The following CFH variants were observed in gnomAD, a reference collection of about 807,000 sequenced individuals.
CFH encodes complement factor H.
CFH carries 53 observed loss-of-function variants against 147.3 expected under a neutral mutation model. That is an observed-to-expected ratio of 0.36 (90% confidence interval 0.29 to 0.45). The LOEUF (loss-of-function observed/expected upper bound fraction) is 0.45. CFH is among the 20% of genes least tolerant of loss of function. CFH has a pLI of 1.00. For synonymous variants in CFH, 536 were observed against 489.4 expected (o/e 1.10, Z -1.26); for missense variants, 1,380 against 1,498.0 (o/e 0.92, Z 1.30).
chr1:196,671,585 A>AACACACAC (rs1364352039), intron 1 of CFH, among the ~76,000 whole-genome samples: 2 of 95,824 alleles, frequency 2.1e-5, no homozygotes, highest in East Asian at 6.9e-4. Context: ...TCAAAAGACT[A>AACACACAC]ATACACACAC....
intron 17 of CFH, among the ~76,000 whole-genome samples, chr1:196,739,932 G>A (rs1360714016): frequency 6.6e-6 from 1 of 152,164 alleles, no homozygotes; most frequent in African/African-American, 2.4e-5. Context: ...TGGCTGGGAG[G>A]CCTCAGGAAA....
intron 5 of CFH, chr1:196,679,335 T>C (rs1667572451): frequency 1.3e-5 from 3 of 235,710 alleles, no homozygotes; most frequent in Non-Finnish European, 2.5e-5. Context: ...AATAAAACTA[T>C]ATTTATGATC....
intron 9 of CFH, among the ~76,000 whole-genome samples, chr1:196,708,837 G>A (rs555908966): frequency 6.6e-6 from 1 of 152,216 alleles, no homozygotes; most frequent in African/African-American, 2.4e-5. Flanking sequence ...GGACTGCCAG[G>A]CATATATCAA....
chr1:196,662,383 A>G (rs185786247), intron 1 of CFH, among the ~76,000 whole-genome samples: 7 of 152,266 alleles, frequency 4.6e-5, no homozygotes, highest in African/African-American at 1.4e-4. Flanking sequence ...ATACACATAC[A>G]TGTTTGTATT....
At chr1:196,742,948 G>T (rs796966625) in intron 19 of CFH, among the ~76,000 whole-genome samples, 31 of 152,088 alleles carry the variant, frequency 2.0e-4, no homozygotes, top group African/African-American at 7.2e-4. Flanking sequence ...TTTAACTTGG[G>T]TAATTTTCAA....
chr1:196,691,426 A>G (rs933020876), intron 9 of CFH, among the ~76,000 whole-genome samples: 5 of 152,012 alleles, frequency 3.3e-5, no homozygotes, highest in African/African-American at 1.2e-4. Flanking sequence ...TTACATGTTA[A>G]TGATTGGTGA....
chr1:196,714,726 C>T (rs1404387835), intron 10 of CFH, among the ~76,000 whole-genome samples: 5 of 83,592 alleles, frequency 6.0e-5, no homozygotes, highest in African/African-American at 9.1e-5. Context: ...GAGATGGAGT[C>T]TTGCTCTGTC....
chr1:196,707,270 A>G (rs889336651), intron 9 of CFH, among the ~76,000 whole-genome samples: 15 of 152,232 alleles, frequency 9.9e-5, no homozygotes, highest in Non-Finnish European at 2.9e-5. Context: ...GTGGGCTTAA[A>G]TTAAGCCCTT....
chr1:196,660,524 G>A (rs371518464), intron 1 of CFH, among the ~76,000 whole-genome samples: 3 of 152,152 alleles, frequency 2.0e-5, no homozygotes, highest in African/African-American at 7.2e-5. Flanking sequence ...CTAGTTAGCA[G>A]GCAAGTTTCA....
At chr1:196,738,126 T>A (rs764615731) in intron 17 of CFH, among the ~76,000 whole-genome samples, 1 of 152,140 alleles carries the variant, frequency 6.6e-6, no homozygotes, top group African/African-American at 2.4e-5. Flanking sequence ...ACACTCACTA[T>A]CCTGAGAACA....
At chr1:196,668,610 G>A (rs755808893) in intron 1 of CFH, among the ~76,000 whole-genome samples, 11 of 152,116 alleles carry the variant, frequency 7.2e-5, no homozygotes, top group Non-Finnish European at 1.5e-4. Flanking sequence ...TCATGATAGT[G>A]AGTGAGTTCT....
At chr1:196,721,709 G>A (rs1169236952) in intron 11 of CFH, among the ~76,000 whole-genome samples, 1 of 151,808 alleles carries the variant, frequency 6.6e-6, no homozygotes, top group Non-Finnish European at 1.5e-5. Context: ...CTTAGCTCTA[G>A]TAGCATTTCA....
Position 196,726,928 on chromosome 1 carries a change from C to T in CFH, c.2224C>T (p.Pro742Ser), listed in dbSNP as rs1313104462. ...TATTCATGGAGTATGGACCCAACTT[C>T]CCCAGTGTGTGGGTGAGAATACCCT... is the stretch of plus-strand genomic sequence containing the variant. ...TCIHGVWTQL[P>S]QCVAIDKLKK... Residue 742 changes from proline (P) to serine (S), a missense_variant, in exon 14 of 22, where the codon CCC becomes TCC. Around this residue, in one of 4 missense-constraint regions of CFH, gnomAD observed 830 missense variants for 821.4 expected, o/e 1.01. Transcript: ENST00000367429. 6.2e-7 allele frequency: 1 copy of T among 1,613,142 alleles called. No homozygotes were observed. The highest frequency in any genetic ancestry group is 2.2e-5 in the East Asian group (1 of 44,836).
intron 11 of CFH, among the ~76,000 whole-genome samples, chr1:196,724,397 T>G (rs1669078971): frequency 6.6e-6 from 1 of 152,036 alleles, no homozygotes; most frequent in Admixed American, 6.6e-5. Flanking sequence ...ATTCAACTAG[T>G]AGTTTGGTGT....
At position 196,742,145 on chromosome 1, in the gene CFH, T is replaced by G. The variant is rs1050497828; in HGVS notation, c.3133+94T>G. Reference sequence around the variant, plus strand: ...ATCCCAGCACTTTGGGAGGCCGAGGTGGGCGGATCACTTGAGGTCAGGAGT... The same window carrying G: ...ATCCCAGCACTTTGGGAGGCCGAGGGGGGCGGATCACTTGAGGTCAGGAGT... On this transcript the variant is annotated intron_variant, in intron 19 of 21. Coordinates refer to ENST00000367429, the MANE Select transcript of CFH (RefSeq NM_000186.4). The G allele has an allele frequency of 4.1e-5, 49 of 1,192,742 alleles. 2 individuals carry two copies. Among genetic ancestry groups the G allele is most frequent in the Non-Finnish European group, 8.6e-6 (7 of 815,602 alleles). 73.9% of individuals were successfully genotyped at this position (1,192,742 alleles called of 1,614,324 possible).
intron 9 of CFH, among the ~76,000 whole-genome samples, chr1:196,710,899 C>A (rs1668710071): frequency 6.6e-6 from 1 of 151,922 alleles, no homozygotes; most frequent in South Asian, 2.1e-4. Flanking sequence ...TTAATGCTAC[C>A]TAATCCTTCT....
In CFH at chr1:196,672,978, A is replaced by G; in HGVS notation, c.59A>G (p.Asp20Gly). 6.2e-7 allele frequency: 1 copy of G among 1,613,552 alleles called. No individual in the cohort carries two copies. Among genetic ancestry groups the G allele is most frequent in the South Asian group, 1.1e-5 (1 of 91,066 alleles). ...CTTATTTTGTTTTTATTGTTTGTAGATTGCAATGAACTTCCTCCAAGAAGA... is the reference window on the plus strand; with the variant it reads ...CTTATTTTGTTTTTATTGTTTGTAGGTTGCAATGAACTTCCTCCAAGAAGA... ...LMLWAICVAE[D>G]CNELPPRRNT... Residue 20 changes from aspartate (D) to glycine (G), a missense_variant and splice_region_variant, in exon 2 of 22, where the codon GAT becomes GGT. Asp to Gly is a moderately conservative substitution (Grantham distance 94). This residue lies in a region of CFH where 260 missense variants were observed against 263.3 expected (regional missense o/e 0.99). Transcript: ENST00000367429.
At chr1:196,689,722 A>C (rs1667958880) in intron 8 of CFH, 108 bp downstream of exon 8, 23 of 1,258,076 alleles carry the variant, frequency 1.8e-5, no homozygotes, top group Non-Finnish European at 2.4e-5. Flanking sequence ...AATAGGGCCA[A>C]GAAAAGAGTT....
chr1:196,661,833 A>G (rs563945867), intron 1 of CFH, among the ~76,000 whole-genome samples: 1 of 152,328 alleles, frequency 6.6e-6, no homozygotes, highest in Admixed American at 6.5e-5. Flanking sequence ...CAGTCAATTA[A>G]TTGATTGACA....
Sources: gnomAD v4.1 joint callset for allele counts (sites outside exome capture counted in the v4.1 genomes callset) on GRCh38, gnomAD v4.1.1 for gene constraint, gnomAD v4.1.1 regional missense constraint, MANE v1.5 for transcripts, NCBI Gene and HGNC (gene_info 2026-07-23, HGNC 2026-07-21) for gene names.